The following CLCA1 variants were observed in gnomAD, a reference collection of about 807,000 sequenced individuals.
The protein encoded by CLCA1 is chloride channel accessory 1.
In CLCA1, 59 loss-of-function variants were observed where a neutral mutation model predicts 85.6. The ratio of observed to expected loss-of-function variants is 0.69; its 90% CI spans 0.56 to 0.86. CLCA1 has a LOEUF of 0.86. Ranked by LOEUF, CLCA1 falls within the 40% of genes least tolerant of loss-of-function variation. The pLI, the probability that CLCA1 is intolerant of heterozygous loss-of-function variation, is 0.00. For missense variants in CLCA1, 1,022 were observed against 1,101.4 expected (o/e 0.93, Z 1.02); for synonymous variants, 396 against 398.3 (o/e 0.99, Z 0.07).
intron 9 of CLCA1, among the ~76,000 whole-genome samples, chr1:86,493,095 T>C (rs1324289193): frequency 6.6e-6 from 1 of 152,060 alleles, no homozygotes; most frequent in Non-Finnish European, 1.5e-5. Flanking sequence ...AGAAGACAAA[T>C]GTAAAGCCTT....
Position 86,494,452 on chromosome 1 carries a change from A to G in CLCA1, c.1942+4A>G. 2 of 1,612,924 alleles carry G rather than the reference A, an allele frequency of 1.2e-6. No homozygotes were observed. The highest frequency in any genetic ancestry group is 1.7e-6 in the Non-Finnish European group (2 of 1,179,078). On this transcript the variant is annotated splice_donor_region_variant and intron_variant, in intron 11 of 13. Coordinates refer to ENST00000394711, the MANE Select transcript of CLCA1 (RefSeq NM_001285.4). Reference sequence around the variant, plus strand: ...GAACTACTGGATAATGGAGCAGGTAATCACCCAAGAAATTGGAAGATATTT... The same window carrying G: ...GAACTACTGGATAATGGAGCAGGTAGTCACCCAAGAAATTGGAAGATATTT...
At chr1:86,484,307 C>T (rs1403767316) in intron 5 of CLCA1, among the ~76,000 whole-genome samples, 2 of 152,114 alleles carry the variant, frequency 1.3e-5, no homozygotes, top group Non-Finnish European at 2.9e-5. Flanking sequence ...AATGGAGAAA[C>T]ATTTCGGAAG....
At position 86,482,400 on chromosome 1, in the gene CLCA1, A is replaced by AC. The variant is rs1453612743; in HGVS notation, c.735+23dup. Reference sequence around the variant, plus strand: ...TTGATTCTGTAAGTACCTTGTTCTCACCCCCTCCCCCAGATTCTTATGAAT... The same window carrying AC: ...TTGATTCTGTAAGTACCTTGTTCTCACCCCCCTCCCCCAGATTCTTATGAAT... On this transcript the variant is annotated intron_variant, in intron 5 of 13. Coordinates refer to ENST00000394711, the MANE Select transcript of CLCA1 (RefSeq NM_001285.4). The AC allele has an allele frequency of 2.5e-6, 4 of 1,603,012 alleles. No homozygotes were observed. Among genetic ancestry groups the AC allele is most frequent in the Non-Finnish European group, 3.4e-6 (4 of 1,173,618 alleles).
chr1:86,486,879 C>T, intron 7 of CLCA1, 126 bp downstream of exon 7: 1 of 813,130 alleles, frequency 1.2e-6, no homozygotes, highest in East Asian at 2.6e-5. Context: ...GAGCAATATT[C>T]CATATTTACT....
chr1:86,485,624 A>T, intron 6 of CLCA1, 63 bp downstream of exon 6: 1 of 1,444,722 alleles, frequency 6.9e-7, no homozygotes, highest in Non-Finnish European at 9.7e-7. Flanking sequence ...CTGGACCCTG[A>T]CTCGGAACTA....
At position 86,487,836 on chromosome 1, in the gene CLCA1, C is replaced by G. The variant is rs3820042; in HGVS notation, c.1182+1083C>G. On this transcript the variant is annotated intron_variant, in intron 7 of 13. Transcript: ENST00000394711. ...AACACCCAACTCAGCTGTCTTCTGT[C>G]TCCTCTTTAGGATATGTGGCAACAT... 3.0e-4 allele frequency among the ~76,000 whole-genome samples: 46 copies of G among 152,332 alleles called. No homozygotes were observed. The East Asian group carries it at 5.2e-3, about 17-fold the overall frequency.
rs1252145488 is a variant in CLCA1 at position 86,498,678 on chromosome 1, T to C, written c.2220T>C (p.Ser740=). Residue 740 remains serine (S), a synonymous_variant, in exon 13 of 14, where the codon TCT becomes TCC. Transcript: ENST00000394711. The stretch of plus-strand genomic sequence containing the variant: ...CCTCGGGAGGCTCATTTGTGGCTTC[T>C]GATGTCCCAAATGCTCCCATACCTG... ...RTSSGGSFVA[S]DVPNAPIPDL... 1 of 1,614,116 alleles carries C rather than the reference T, an allele frequency of 6.2e-7. No homozygotes were observed. The highest frequency in any genetic ancestry group is 1.7e-5 in the Admixed American group (1 of 60,002).
At chr1:86,474,053 C>A (rs1647574994) in intron 3 of CLCA1, among the ~76,000 whole-genome samples, 177 bp downstream of exon 3, 1 of 152,190 alleles carries the variant, frequency 6.6e-6, no homozygotes, top group Admixed American at 6.5e-5. Flanking sequence ...TCCAGCATTT[C>A]TCAGCTATGA....
Position 86,482,375 on chromosome 1 carries a change from T to A in CLCA1, c.728T>A (p.Val243Asp). 2 of 1,613,582 alleles carry A rather than the reference T, an allele frequency of 1.2e-6. No homozygotes were observed. Among genetic ancestry groups the A allele is most frequent in the Non-Finnish European group, 1.7e-6 (2 of 1,179,746 alleles). Reference sequence around the variant, plus strand: ...GCTTCTATAATGTTTGCACAACATGTTGATTCTGTAAGTACCTTGTTCTCA... The same window carrying A: ...GCTTCTATAATGTTTGCACAACATGATGATTCTGTAAGTACCTTGTTCTCA... ...EKASIMFAQHVDSIVEFCTEQ... is the reference protein window; with the variant it reads ...EKASIMFAQHDDSIVEFCTEQ... The change falls in exon 5 of 14, where the codon GTT (valine) becomes GAT (aspartate). Residue 243 changes from valine to aspartate, a missense_variant. Coordinates refer to ENST00000394711, the MANE Select transcript of CLCA1 (RefSeq NM_001285.4).
At chr1:86,481,468 TA>T (rs1449709986) in intron 4 of CLCA1, among the ~76,000 whole-genome samples, 1 of 152,018 alleles carries the variant, frequency 6.6e-6, no homozygotes, top group Non-Finnish European at 1.5e-5. Context: ...ATAATAATAT[TA>T]AAAAATTAAA....
At chr1:86,473,640 T>C in intron 2 of CLCA1, 83 bp downstream of exon 2, 1 of 1,497,052 alleles carries the variant, frequency 6.7e-7, no homozygotes, top group Non-Finnish European at 9.1e-7. Flanking sequence ...TAGAATCAAA[T>C]GTGATTGTTT....
chr1:86,473,348 G>A (rs1431449027), intron 1 of CLCA1, 69 bp from the exon 2 acceptor site: 2 of 1,171,674 alleles, frequency 1.7e-6, no homozygotes, highest in Non-Finnish European at 2.4e-6. Flanking sequence ...ATCCAGATGT[G>A]AATTTGAATG....
rs377704014 is a variant in CLCA1 at position 86,495,689 on chromosome 1, A to G, written c.2113+14A>G. 3.7e-6 allele frequency: 6 copies of G among 1,600,486 alleles called. No individual in the cohort carries two copies. The highest frequency in any genetic ancestry group is 1.1e-5 in the South Asian group (1 of 89,164). ...GGATTGAGAATGGTAAGTAATTTGT[A>G]ATAACATACCTGGCTTGTGCAAAAG... On this transcript the variant is annotated intron_variant, in intron 12 of 13. Transcript: ENST00000394711.
Position 86,473,821 on chromosome 1 carries a change from C to A in CLCA1, c.396C>A (p.Ile132=). The change falls in exon 3 of 14, where the codon ATC becomes ATA. Residue 132 remains isoleucine (I), a synonymous_variant. Coordinates refer to ENST00000394711, the MANE Select transcript of CLCA1 (RefSeq NM_001285.4). ...ACTGTGGAGAGAAGGGTGAAAGGATCCACCTCACTCCTGATTTCATTGCAG... is the reference window on the plus strand; with the variant it reads ...ACTGTGGAGAGAAGGGTGAAAGGATACACCTCACTCCTGATTTCATTGCAG... ...MGNCGEKGER[I]HLTPDFIAGK... The A allele has an allele frequency of 1.2e-6, 2 of 1,611,834 alleles. No homozygotes were observed. The highest frequency in any genetic ancestry group is 4.5e-5 in the East Asian group (2 of 44,864).
intron 7 of CLCA1, among the ~76,000 whole-genome samples, chr1:86,488,404 G>A (rs1365496294): frequency 3.3e-5 from 5 of 152,174 alleles, no homozygotes; most frequent in Non-Finnish European, 5.9e-5. Context: ...TATACCAGGA[G>A]TAGTTGAGAC....
At chr1:86,474,149 A>G (rs936482761) in intron 3 of CLCA1, among the ~76,000 whole-genome samples, 19 of 152,244 alleles carry the variant, frequency 1.2e-4, no homozygotes, top group Non-Finnish European at 2.1e-4. Flanking sequence ...TAACTGTAAA[A>G]GAATTTAATT....
chr1:86,469,216 G>A, intron 1 of CLCA1, 83 bp downstream of exon 1: 2 of 887,504 alleles, frequency 2.3e-6, no homozygotes, highest in Non-Finnish European at 3.4e-6. Flanking sequence ...TATTCCAGCT[G>A]CACGACACTG....
intron 7 of CLCA1, among the ~76,000 whole-genome samples, chr1:86,488,636 T>A (rs991590088): frequency 6.6e-6 from 1 of 152,142 alleles, no homozygotes; most frequent in Non-Finnish European, 1.5e-5. Context: ...CCCCATTAAA[T>A]GAGATGGTTT....
intron 1 of CLCA1, among the ~76,000 whole-genome samples, chr1:86,469,815 A>G (rs1237126948): frequency 6.6e-6 from 1 of 152,212 alleles, no homozygotes; most frequent in Non-Finnish European, 1.5e-5. Context: ...ATCTGGCTGT[A>G]ACACATCCAG....
Sources: gnomAD v4.1 joint callset for allele counts (sites outside exome capture counted in the v4.1 genomes callset) on GRCh38, gnomAD v4.1.1 for gene constraint, MANE v1.5 for transcripts, NCBI Gene and HGNC (gene_info 2026-07-23, HGNC 2026-07-21) for gene names.